The following PKP2 variants were observed in gnomAD, a reference collection of about 807,000 sequenced individuals.
PKP2 encodes plakophilin 2, also known as plakophilin-2.
PKP2 carries 73 observed loss-of-function variants against 83.4 expected under a neutral mutation model. The observed-to-expected ratio is 0.88, with a 90% CI of 0.72 to 1.06. PKP2 has a LOEUF of 1.06. PKP2 is among the 50% of genes least tolerant of loss of function. PKP2 has a pLI of 0.00. For synonymous variants in PKP2, 409 were observed against 430.4 expected (o/e 0.95, Z 0.62); for missense variants, 966 against 1,065.4 (o/e 0.91, Z 1.30).
At position 32,825,529 on chromosome 12, in the gene PKP2, T is replaced by C. The variant is rs570784092; in HGVS notation, c.1557-1367A>G. The stretch of plus-strand genomic sequence containing the variant: ...CCAGAATATGTTCAGGACTTTTTCT[T>C]TATAATGTGTTAGTGTCATTCTGAA... On this transcript the variant is annotated intron_variant, in intron 6 of 12. Transcript: ENST00000340811. Among the ~76,000 whole-genome samples, 10 of 152,276 alleles carry C rather than the reference T, an allele frequency of 6.6e-5. No homozygotes were observed. In the East Asian group the frequency reaches 1.2e-3, roughly 18 times the overall value.
chr12:32,890,952 C>CAAAAAAAAAAAA (rs56900611), intron 1 of PKP2, among the ~76,000 whole-genome samples: 2 of 70,292 alleles, frequency 2.8e-5, no homozygotes, highest in African/African-American at 4.6e-5. Flanking sequence ...AAGAGCGAAA[C>CAAAAAAAAAAAA]AAAAAAAAAA....
chr12:32,892,818 C>CGGG (rs574559982), intron 1 of PKP2, among the ~76,000 whole-genome samples: 545 of 19,674 alleles, frequency 0.028, 20 homozygotes, highest in Middle Eastern at 0.05. Flanking sequence ...GGGGTGGGGG[C>CGGG]GGGGGGGGGG....
chr12:32,859,102 A>G (rs989081890), intron 4 of PKP2, among the ~76,000 whole-genome samples: 1 of 152,194 alleles, frequency 6.6e-6, no homozygotes, highest in Non-Finnish European at 1.5e-5. Flanking sequence ...CAGGGTATTT[A>G]TGTCAATTGT....
rs1269199759 is a variant in PKP2 at position 32,792,372 on chromosome 12, T to C, written c.*52A>G. The C allele has an allele frequency of 1.1e-5, 14 of 1,313,362 alleles. No individual in the cohort carries two copies. The South Asian group carries it at 1.2e-4, about 11-fold the overall frequency. 81.4% of individuals were successfully genotyped at this position (1,313,362 alleles called of 1,614,324 possible). The stretch of plus-strand genomic sequence containing the variant: ...TTTCTTGGGCTGGGTAGTAGAAAAA[T>C]AGGTGTTTTCCTTTGGGGATTTTTG... On this transcript the variant is annotated 3_prime_UTR_variant, in exon 13 of 13. Transcript: ENST00000340811.
intron 9 of PKP2, among the ~76,000 whole-genome samples, chr12:32,817,611 C>A (rs1032853557): frequency 6.6e-6 from 1 of 152,178 alleles, no homozygotes; most frequent in Non-Finnish European, 1.5e-5. Flanking sequence ...TTAATTTAGT[C>A]AATTTATCAA....
chr12:32,797,825 G>C (rs1439295790), intron 10 of PKP2, among the ~76,000 whole-genome samples: 1 of 151,760 alleles, frequency 6.6e-6, no homozygotes, highest in Non-Finnish European at 1.5e-5. Context: ...CAAAGTGCTG[G>C]GATTAGAAGC....
chr12:32,860,937 A>G (rs1956792506), intron 4 of PKP2, among the ~76,000 whole-genome samples: 1 of 152,166 alleles, frequency 6.6e-6, no homozygotes, highest in South Asian at 2.1e-4. Context: ...CTGAGGCAAG[A>G]GAATCACTTG....
chr12:32,796,116 C>T lies in PKP2; in HGVS notation c.2350G>A (p.Gly784Ser), dbSNP rs750119363. ...GIQKIMAISA[G>S]DAYASNKASK... ...CAGAACTGAAGGACTTACGCATCGC[C>T]TGCACTAATGGCCATAATTTTCTGG... The change falls in exon 11 of 13, where the codon GGC becomes AGC. Residue 784 changes from glycine to serine, a missense_variant. Physicochemically the swap from Gly to Ser is moderately conservative, Grantham distance 56 (BLOSUM62 0). Coordinates refer to ENST00000340811, the MANE Select transcript of PKP2 (RefSeq NM_001005242.3). The T allele has an allele frequency of 3.8e-5, 61 of 1,613,814 alleles. No homozygotes were observed. The highest frequency in any genetic ancestry group is 1.0e-5 in the Non-Finnish European group (12 of 1,179,842).
intron 10 of PKP2, among the ~76,000 whole-genome samples, chr12:32,798,099 T>TTTC (rs1217968768): frequency 2.0e-4 from 30 of 150,090 alleles, no homozygotes; most frequent in African/African-American, 6.8e-4. Flanking sequence ...TTTTTTTTTT[T>TTTC]TGGAGATGGA....
chr12:32,885,250 G>A (rs1957021214), intron 1 of PKP2, among the ~76,000 whole-genome samples: 1 of 152,182 alleles, frequency 6.6e-6, no homozygotes, highest in African/African-American at 2.4e-5. Context: ...CCCAATCTGA[G>A]TGTTCATTGG....
chr12:32,891,436 G>A (rs1957074669), intron 1 of PKP2, among the ~76,000 whole-genome samples: 1 of 152,064 alleles, frequency 6.6e-6, no homozygotes, highest in South Asian at 2.1e-4. Context: ...ATCAGACTAG[G>A]AATTCAATTG....
Position 32,841,294 on chromosome 12 carries a change from G to C in PKP2, c.1379-89C>G, listed in dbSNP as rs1314980812. The C allele has an allele frequency of 7.5e-6, 8 of 1,073,792 alleles. No individual in the cohort carries two copies. The East Asian group carries it at 1.7e-4, about 22-fold the overall frequency. 66.5% of individuals were successfully genotyped at this position (1,073,792 alleles called of 1,614,324 possible). On this transcript the variant is annotated intron_variant, in intron 5 of 12. Coordinates refer to ENST00000340811, the MANE Select transcript of PKP2 (RefSeq NM_001005242.3). ...TTCAGTCAAGGCCATCAACTCCAGG[G>C]CTATGACTAGTCATAAAAAAATTTG... is the stretch of plus-strand genomic sequence containing the variant.
At chr12:32,810,562 C>T (rs982993851) in intron 9 of PKP2, among the ~76,000 whole-genome samples, 7 of 152,120 alleles carry the variant, frequency 4.6e-5, no homozygotes, top group Admixed American at 2.0e-4. Context: ...TGGTAGCTAG[C>T]ATGCTATTTA....
At chr12:32,818,374 T>G (rs1956339883) in intron 9 of PKP2, among the ~76,000 whole-genome samples, 1 of 152,110 alleles carries the variant, frequency 6.6e-6, no homozygotes, top group Admixed American at 6.6e-5. Context: ...GGCACGAGAA[T>G]TACTTGAACC....
intron 10 of PKP2, among the ~76,000 whole-genome samples, chr12:32,797,195 T>G (rs1592726901): frequency 6.6e-6 from 1 of 151,988 alleles, no homozygotes; most frequent in East Asian, 1.9e-4. Context: ...ATCCCAGCAC[T>G]TTGGGAGGCT....
chr12:32,855,794 A>AAAAAAAAAAAAAAAAG (rs1459718298), intron 4 of PKP2, among the ~76,000 whole-genome samples: 6 of 148,286 alleles, frequency 4.0e-5, no homozygotes, highest in African/African-American at 1.5e-4. Context: ...AAAAAAAAAA[A>AAAAAAAAAAAAAAAAG]AGGAAGAAAA....
intron 5 of PKP2, among the ~76,000 whole-genome samples, chr12:32,845,531 A>G (rs1207805983): frequency 1.3e-5 from 2 of 152,186 alleles, no homozygotes; most frequent in African/African-American, 2.4e-5. Context: ...CAGCCTCGGC[A>G]ACAGAGCGAG....
At position 32,878,410 on chromosome 12, in the gene PKP2, T is replaced by A. The variant is rs886049323; in HGVS notation, c.470A>T (p.Glu157Val). The change falls in exon 3 of 13, where the codon GAG becomes GTG. Residue 157 changes from glutamate (E) to valine (V), a missense_variant. Glu to Val is a moderately radical substitution (Grantham distance 121, BLOSUM62 -2). Transcript: ENST00000340811. ...ATCGCTGTGCGTGTAGTGAGCCCTC[T>A]CCGGGCTGCTGTCAGGAGAAATCTC... ...RLEISPDSSP[E>V]RAHYTHSDYQ... The A allele has an allele frequency of 6.2e-7, 1 of 1,613,944 alleles. No individual in the cohort carries two copies. Among genetic ancestry groups the A allele is most frequent in the Non-Finnish European group, 8.5e-7 (1 of 1,179,872 alleles).
rs574421714 is a variant in PKP2, at chr12:32,811,156, C to A, written c.2014-8600G>T. Among the ~76,000 whole-genome samples, 7 of 152,306 alleles carry A rather than the reference C, an allele frequency of 4.6e-5. No homozygotes were observed. The East Asian group carries it at 1.4e-3, about 29-fold the overall frequency. Reference sequence around the variant, plus strand: ...AAAAGATGTCCCTGGTGCTCCAGGTCTTTTTGTTAGCATAATAACAGACTG... The same window carrying A: ...AAAAGATGTCCCTGGTGCTCCAGGTATTTTTGTTAGCATAATAACAGACTG... On this transcript the variant is annotated intron_variant, in intron 9 of 12. Coordinates refer to ENST00000340811, the MANE Select transcript of PKP2 (RefSeq NM_001005242.3).
Sources: gnomAD v4.1 joint callset for allele counts (sites outside exome capture counted in the v4.1 genomes callset) on GRCh38, gnomAD v4.1.1 for gene constraint, MANE v1.5 for transcripts, NCBI Gene and HGNC (gene_info 2026-07-23, HGNC 2026-07-21) for gene names.